Variants in PARD3B observed in about 807,000 individuals in gnomAD.
PARD3B encodes par-3 family cell polarity regulator beta, also known as partitioning defective 3 homolog B.
PARD3B carries 103 observed loss-of-function variants against 130.2 expected under a neutral mutation model. That is an observed-to-expected ratio of 0.79 (90% CI 0.67 to 0.93). PARD3B has a LOEUF of 0.93. Among genes scored for constraint, PARD3B ranks in the 40% least tolerant of loss-of-function variants. PARD3B has a pLI of 0.00. For missense variants in PARD3B, 1,609 were observed against 1,499.2 expected, an observed-to-expected ratio of 1.07 and a Z score of -1.21; for synonymous variants, 583 against 553.2, an observed-to-expected ratio of 1.05 and a Z score of -0.76.
At chr2:204,548,893 T>G (rs910128581) in intron 1 of PARD3B, among the ~76,000 whole-genome samples, 1 of 152,148 alleles carries the variant, frequency 6.6e-6, no homozygotes, top group African/African-American at 2.4e-5. Flanking sequence ...GGTGGGAACA[T>G]GAATGTAAAG....
intron 2 of PARD3B, among the ~76,000 whole-genome samples, chr2:204,844,662 C>T (rs2044392329): frequency 6.6e-6 from 1 of 152,102 alleles, no homozygotes; most frequent in African/African-American, 2.4e-5. Context: ...GAATAGGAGT[C>T]AGGAAGCATT....
intron 15 of PARD3B, among the ~76,000 whole-genome samples, chr2:205,214,603 T>C (rs958102376): frequency 6.6e-6 from 1 of 152,120 alleles, no homozygotes; most frequent in Non-Finnish European, 1.5e-5. Flanking sequence ...CTTCATAATT[T>C]ATGCAAATTT....
intron 20 of PARD3B, among the ~76,000 whole-genome samples, chr2:205,443,488 T>C (rs2047798349): frequency 6.6e-6 from 1 of 152,206 alleles, no homozygotes; most frequent in Non-Finnish European, 1.5e-5. Flanking sequence ...AAATGGATCA[T>C]TGCATTGTCT....
At chr2:205,205,612 T>C (rs1304902642) in intron 15 of PARD3B, among the ~76,000 whole-genome samples, 1 of 152,218 alleles carries the variant, frequency 6.6e-6, no homozygotes, top group African/African-American at 2.4e-5. Flanking sequence ...TATTTTGAGA[T>C]ACATTCCATC....
At chr2:205,003,203 A>T (rs1694989985) in intron 3 of PARD3B, among the ~76,000 whole-genome samples, 1 of 152,122 alleles carries the variant, frequency 6.6e-6, no homozygotes, top group South Asian at 2.1e-4. Context: ...CTTCACTTTT[A>T]TAGGGGACCT....
chr2:204,932,189 T>G (rs559415678), intron 2 of PARD3B, among the ~76,000 whole-genome samples: 1 of 152,248 alleles, frequency 6.6e-6, no homozygotes, highest in South Asian at 2.1e-4. Context: ...ATTGTTCATT[T>G]AAGCAGTTTT....
chr2:205,541,165 G>A (rs769675206), intron 21 of PARD3B, among the ~76,000 whole-genome samples: 3 of 152,062 alleles, frequency 2.0e-5, no homozygotes, highest in Non-Finnish European at 4.4e-5. Context: ...AGAAATTTAG[G>A]ACAGGAATTA....
At chr2:204,843,154 T>C (rs2044319865) in intron 2 of PARD3B, among the ~76,000 whole-genome samples, 2 of 152,036 alleles carry the variant, frequency 1.3e-5, no homozygotes, top group Non-Finnish European at 2.9e-5. Flanking sequence ...TTGAGAATTG[T>C]TACACTAGTG....
intron 1 of PARD3B, among the ~76,000 whole-genome samples, chr2:204,574,502 G>A (rs529274201): frequency 6.6e-6 from 1 of 152,244 alleles, no homozygotes; most frequent in East Asian, 1.9e-4. Context: ...TTACACGATG[G>A]TCTAAGGGAG....
chr2:204,551,875 CAG>C (rs1559151056), intron 1 of PARD3B, among the ~76,000 whole-genome samples: 1 of 152,130 alleles, frequency 6.6e-6, no homozygotes, highest in Non-Finnish European at 1.5e-5. Flanking sequence ...GTTAAACATT[CAG>C]AGCTTTGGGC....
At chr2:204,872,920 G>T (rs116246324) in intron 2 of PARD3B, among the ~76,000 whole-genome samples, 196 of 152,168 alleles carry the variant, frequency 1.3e-3, no homozygotes, top group African/African-American at 4.6e-3. Flanking sequence ...CTCAAATCTA[G>T]AGAGGAGTAA....
intron 22 of PARD3B, among the ~76,000 whole-genome samples, chr2:205,605,989 A>G (rs1234863266): frequency 6.6e-6 from 1 of 152,152 alleles, no homozygotes; most frequent in Non-Finnish European, 1.5e-5. Flanking sequence ...GTGAGGAGGG[A>G]TGGATCAGGG....
chr2:205,303,913 C>G (rs761782993), intron 18 of PARD3B, among the ~76,000 whole-genome samples: 2 of 152,200 alleles, frequency 1.3e-5, no homozygotes, highest in Non-Finnish European at 1.5e-5. Context: ...CCTATAATTT[C>G]TTCTCAAATC....
At chr2:205,565,116 T>A (rs1050342659) in intron 22 of PARD3B, among the ~76,000 whole-genome samples, 6 of 152,204 alleles carry the variant, frequency 3.9e-5, no homozygotes, top group African/African-American at 1.4e-4. Flanking sequence ...CAGATAAGAC[T>A]TCTGCCCACT....
At chr2:205,422,402 A>G (rs1453446036) in intron 19 of PARD3B, among the ~76,000 whole-genome samples, 1 of 152,214 alleles carries the variant, frequency 6.6e-6, no homozygotes, top group Non-Finnish European at 1.5e-5. Context: ...AAACAGTTAA[A>G]TATTTACTGT....
At chr2:204,924,995 A>G (rs2125760985) in intron 2 of PARD3B, among the ~76,000 whole-genome samples, 1 of 152,218 alleles carries the variant, frequency 6.6e-6, no homozygotes, top group East Asian at 1.9e-4. Flanking sequence ...ATGCATATAC[A>G]TGTATACATA....
At chr2:204,676,635 T>A (rs2125221972) in intron 1 of PARD3B, among the ~76,000 whole-genome samples, 1 of 151,978 alleles carries the variant, frequency 6.6e-6, no homozygotes, top group East Asian at 2.0e-4. Context: ...AGCTCATGTT[T>A]TTACCATACA....
chr2:205,389,586 C>T (rs1559045436), intron 18 of PARD3B, among the ~76,000 whole-genome samples: 1 of 152,220 alleles, frequency 6.6e-6, no homozygotes, highest in Admixed American at 6.5e-5. Context: ...TGGTCTTGAA[C>T]TCCCGCCTCG....
Position 205,615,926 on chromosome 2 carries a change from G to A in PARD3B, c.*113G>A. ...TAGGAATTCTCCATGTTACTGATAA[G>A]CTTTTTCTCACTGACATTGTAACGC... On this transcript the variant is annotated 3_prime_UTR_variant, in exon 23 of 23. Coordinates refer to ENST00000406610, the MANE Select transcript of PARD3B (RefSeq NM_001302769.2). 4 of 926,456 alleles carry A rather than the reference G, an allele frequency of 4.3e-6. No homozygotes were observed. The highest frequency in any genetic ancestry group is 6.6e-6 in the Non-Finnish European group (4 of 603,162). 57.4% of individuals were successfully genotyped at this position (926,456 alleles called of 1,614,324 possible). A position where few individuals can be genotyped will look rare whatever the true frequency, so the allele number is the denominator to read the frequency against.
Sources: allele counts gnomAD v4.1 joint callset (sites outside exome capture counted in the v4.1 genomes callset), GRCh38; gene constraint gnomAD v4.1.1; transcripts MANE v1.5; gene names NCBI Gene and HGNC (gene_info 2026-07-23, HGNC 2026-07-21).